Variants in AHR observed in about 807,000 individuals in gnomAD.
AHR encodes the protein AH-receptor.
In AHR, 40 loss-of-function variants were observed where a neutral mutation model predicts 86.8. The observed-to-expected ratio is 0.46, with a 90% CI of 0.36 to 0.60. The LOEUF is 0.60. AHR is among the 20% of genes least tolerant of loss of function. The pLI, the probability that AHR is intolerant of heterozygous loss-of-function variation, is 0.00. For synonymous variants in AHR, 398 were observed against 354.9 expected (o/e 1.12, Z -1.37); for missense variants, 1,001 against 1,011.6 (o/e 0.99, Z 0.14).
At chr7:17,316,169 G>T (rs1782113339) in intron 2 of AHR, among the ~76,000 whole-genome samples, 1 of 152,014 alleles carries the variant, frequency 6.6e-6, no homozygotes, top group African/African-American at 2.4e-5. Context: ...AAACTGAAAT[G>T]AAATGAAAGT....
intron 6 of AHR, 40 bp from the exon 7 acceptor site, chr7:17,333,872 T>C (rs368233078): frequency 3.2e-6 from 5 of 1,548,890 alleles, no homozygotes; most frequent in Non-Finnish European, 4.4e-6. Flanking sequence ...TTTATATTGT[T>C]AATTTTAATG....
At chr7:17,319,931 T>C (rs891138922) in intron 2 of AHR, among the ~76,000 whole-genome samples, 1 of 152,034 alleles carries the variant, frequency 6.6e-6, no homozygotes, top group Non-Finnish European at 1.5e-5. Context: ...TGCACAATAT[T>C]TACTTCAATT....
At position 17,344,406 on chromosome 7, in the gene AHR, G is replaced by A. The variant is rs1782459833; in HGVS notation, c.*1342G>A. 6.6e-6 allele frequency: 1 copy of A among 152,278 alleles called. No homozygotes were observed. Among genetic ancestry groups the A allele is most frequent in the Admixed American group, 6.6e-5 (1 of 15,212 alleles). 9.4% of individuals were successfully genotyped at this position (152,278 alleles called of 1,614,324 possible). ...CTTATATATGCACTTAATTTGTTGG[G>A]GCTTTACATACTTTATCAATGTGTC... On this transcript the variant is annotated 3_prime_UTR_variant, in exon 11 of 11. Transcript: ENST00000242057.
At chr7:17,341,878 T>C (rs1562483481) in intron 10 of AHR, among the ~76,000 whole-genome samples, 1 of 152,172 alleles carries the variant, frequency 6.6e-6, no homozygotes, top group African/African-American at 2.4e-5. Context: ...CTGTGTACAG[T>C]ATGTTTAAAG....
intron 1 of AHR, among the ~76,000 whole-genome samples, chr7:17,301,013 A>G (rs1781950008): frequency 1.3e-5 from 2 of 152,026 alleles, no homozygotes; most frequent in Non-Finnish European, 2.9e-5. Context: ...TTTTGCGTAA[A>G]ATGTACTTTT....
chr7:17,331,000 C>A (rs1356887791), intron 6 of AHR, 114 bp downstream of exon 6: 3 of 1,146,582 alleles, frequency 2.6e-6, no homozygotes, highest in Admixed American at 2.5e-5. Context: ...AATCAGGCAA[C>A]CCTCAGAACC....
chr7:17,301,382 T>C (rs908167104), intron 1 of AHR, among the ~76,000 whole-genome samples: 2 of 152,040 alleles, frequency 1.3e-5, no homozygotes, highest in African/African-American at 4.8e-5. Context: ...AACTACCAGT[T>C]TGTGGCCTAA....
intron 2 of AHR, among the ~76,000 whole-genome samples, chr7:17,321,594 T>TACAC (rs71309046): frequency 4.9e-4 from 73 of 147,724 alleles, no homozygotes; most frequent in African/African-American, 1.3e-3. Context: ...ACCACACACA[T>TACAC]ACACACACAC....
chr7:17,339,304 CAGA>C lies in AHR; in HGVS notation c.1481_1483del (p.Arg494del), dbSNP rs760349720. ...TTTTCAACGAATCTATGAATGAATG[CAGA>C]AATTGGCAAGATAATACTGCACCGA... On this transcript the variant is annotated inframe_deletion, in exon 10 of 11. Coordinates refer to ENST00000242057, the MANE Select transcript of AHR (RefSeq NM_001621.5). 1.3e-4 allele frequency: 214 copies of C among 1,614,150 alleles called. No individual in the cohort carries two copies. The African/African-American group carries it at 2.6e-3, about 20-fold the overall frequency.
intron 3 of AHR, among the ~76,000 whole-genome samples, chr7:17,326,558 T>C (rs1031297417): frequency 3.3e-5 from 5 of 152,204 alleles, no homozygotes; most frequent in African/African-American, 4.8e-5. Context: ...CTTTATTTGC[T>C]CATTTCTACA....
At chr7:17,299,743 C>T (rs1179391994) in intron 1 of AHR, among the ~76,000 whole-genome samples, 1 of 152,218 alleles carries the variant, frequency 6.6e-6, no homozygotes, top group Non-Finnish European at 1.5e-5. Context: ...TCTCATTCTT[C>T]GTAGAGTTTG....
Position 17,322,543 on chromosome 7 carries a change from A to T in AHR, c.296A>T (p.Asp99Val), listed in dbSNP as rs774406536. 7.6e-5 allele frequency: 122 copies of T among 1,612,972 alleles called. No homozygotes were observed. Among genetic ancestry groups the T allele is most frequent in the Non-Finnish European group, 9.8e-5 (115 of 1,179,320 alleles). The part of the protein sequence containing the change: ...SSPTERNGGQ[D>V]NCRAANFREG... ...CCTACTGAAAGAAACGGAGGCCAGGATAACTGTAGAGCAGCAAATTTCAGA... is the reference window on the plus strand; with the variant it reads ...CCTACTGAAAGAAACGGAGGCCAGGTTAACTGTAGAGCAGCAAATTTCAGA... The change falls in exon 3 of 11, where the codon GAT (aspartate) becomes GTT (valine). Residue 99 changes from aspartate (D) to valine (V), a missense_variant. By Grantham distance (152) the Asp-to-Val change is radical (BLOSUM62 -3). Around this residue, in one of 2 missense-constraint regions of AHR, gnomAD observed 394 missense variants for 468.5 expected, o/e 0.84. Coordinates refer to ENST00000242057, the MANE Select transcript of AHR (RefSeq NM_001621.5).
chr7:17,311,816 A>G (rs907617756), intron 2 of AHR, among the ~76,000 whole-genome samples: 4 of 152,214 alleles, frequency 2.6e-5, no homozygotes, highest in South Asian at 2.1e-4. Flanking sequence ...TTTAGCTGAC[A>G]TAGTTGGAAC....
At chr7:17,315,809 A>G (rs184383962) in intron 2 of AHR, among the ~76,000 whole-genome samples, 42 of 152,080 alleles carry the variant, frequency 2.8e-4, no homozygotes, top group African/African-American at 9.9e-4. Context: ...ATATTTGTAT[A>G]TTATTTTTAA....
At chr7:17,310,955 G>A (rs1212819225) in intron 2 of AHR, among the ~76,000 whole-genome samples, 1 of 152,182 alleles carries the variant, frequency 6.6e-6, no homozygotes, top group Non-Finnish European at 1.5e-5. Flanking sequence ...ATTCTCTATT[G>A]TGTCACTGAA....
intron 6 of AHR, among the ~76,000 whole-genome samples, chr7:17,332,767 G>C (rs907296637): frequency 6.6e-6 from 1 of 151,696 alleles, no homozygotes; most frequent in Non-Finnish European, 1.5e-5. Context: ...CTGGCCAAAA[G>C]GAAAATATTT....
At chr7:17,337,651 AT>A (rs1264108392) in intron 9 of AHR, among the ~76,000 whole-genome samples, 6 of 149,664 alleles carry the variant, frequency 4.0e-5, no homozygotes, top group Non-Finnish European at 5.9e-5. Flanking sequence ...ATTTTTTTGT[AT>A]TTTTAGTAGA....
chr7:17,328,043 A>T (rs1326521399), intron 4 of AHR, among the ~76,000 whole-genome samples, 195 bp downstream of exon 4: 1 of 151,784 alleles, frequency 6.6e-6, no homozygotes, highest in Non-Finnish European at 1.5e-5. Flanking sequence ...TATGTGATTC[A>T]TGGTTACTGT....
At chr7:17,324,646 C>A (rs1782209279) in intron 3 of AHR, among the ~76,000 whole-genome samples, 1 of 151,816 alleles carries the variant, frequency 6.6e-6, no homozygotes, top group South Asian at 2.1e-4. Flanking sequence ...ACTAAAAATA[C>A]AAAAAATTAG....
Sources: gnomAD v4.1 joint callset for allele counts (sites outside exome capture counted in the v4.1 genomes callset) on GRCh38, gnomAD v4.1.1 for gene constraint, gnomAD v4.1.1 regional missense constraint, MANE v1.5 for transcripts, NCBI Gene and HGNC (gene_info 2026-07-23, HGNC 2026-07-21) for gene names.